The following GOLGA8B variants were observed in gnomAD, a reference collection of about 807,000 sequenced individuals.
GOLGA8B encodes golgin subfamily A member 8B.
Under a neutral mutation model 15.6 loss-of-function variants are expected in GOLGA8B, and 1 was observed. The observed-to-expected ratio is 0.06, with a 90% CI of 0.02 to 0.30. The LOEUF (loss-of-function observed/expected upper bound fraction) is 0.30, where lower values mean the gene tolerates loss of function less well. GOLGA8B is among the 10% of genes least tolerant of loss of function. GOLGA8B has a pLI of 1.00. For synonymous variants in GOLGA8B, 9 were observed against 80.3 expected, an observed-to-expected ratio of 0.11 and a Z score of 4.75; for missense variants, 17 against 201.3, an observed-to-expected ratio of 0.08 and a Z score of 5.54.
chr15:34,557,666 G>GTC (rs1487544644), intron 1 of GOLGA8B, among the ~76,000 whole-genome samples: 1 of 108,226 alleles, frequency 9.2e-6, no homozygotes, highest in Non-Finnish European at 2.0e-5. Context: ...GTGTGTGTGT[G>GTC]TGTGTGTGTG....
At chr15:34,564,372 A>G (rs2140345774) in intron 1 of GOLGA8B, among the ~76,000 whole-genome samples, 1 of 151,558 alleles carries the variant, frequency 6.6e-6, no homozygotes, top group South Asian at 2.1e-4. Context: ...AAAAAAAAAA[A>G]AAAAAAGGAT....
chr15:34,568,177 A>G (rs1198978487), intron 1 of GOLGA8B, among the ~76,000 whole-genome samples: 1 of 148,712 alleles, frequency 6.7e-6, no homozygotes, highest in African/African-American at 2.5e-5. Context: ...AAATACACCC[A>G]GTAGACAGTT....
At chr15:34,577,383 C>T (rs1035755735) in intron 1 of GOLGA8B, among the ~76,000 whole-genome samples, 1 of 151,988 alleles carries the variant, frequency 6.6e-6, no homozygotes, top group Admixed American at 6.6e-5. Flanking sequence ...AAACCATAAA[C>T]GATACTTGTT....
chr15:34,581,697 A>G (rs948755445), intron 1 of GOLGA8B, among the ~76,000 whole-genome samples: 1 of 152,124 alleles, frequency 6.6e-6, no homozygotes, highest in African/African-American at 2.4e-5. Flanking sequence ...TGAGGAGCTG[A>G]CGGTCACCAG....
At chr15:34,578,116 T>A (rs1417442211) in intron 1 of GOLGA8B, among the ~76,000 whole-genome samples, 1 of 152,208 alleles carries the variant, frequency 6.6e-6, no homozygotes, top group Non-Finnish European at 1.5e-5. Context: ...CACTATTTAC[T>A]AGTAAGTTTC....
intron 1 of GOLGA8B, among the ~76,000 whole-genome samples, chr15:34,569,339 G>A (rs1490046228): frequency 6.6e-6 from 1 of 151,434 alleles, no homozygotes; most frequent in Non-Finnish European, 1.5e-5. Context: ...ACGCCTCCCG[G>A]TAGGCTCCCT....
chr15:34,583,273 G>A (rs926165416), intron 1 of GOLGA8B, among the ~76,000 whole-genome samples: 6 of 151,988 alleles, frequency 3.9e-5, no homozygotes, highest in Admixed American at 2.6e-4. Flanking sequence ...GGTCCCCGCC[G>A]CACCCGCCCG....
intron 1 of GOLGA8B, among the ~76,000 whole-genome samples, chr15:34,576,532 T>G (rs944970133): frequency 6.6e-6 from 1 of 152,162 alleles, no homozygotes; most frequent in African/African-American, 2.4e-5. Context: ...CCTCTCCAGG[T>G]ACCTGAACCT....
intron 1 of GOLGA8B, among the ~76,000 whole-genome samples, chr15:34,576,109 G>C (rs1284745852): frequency 6.6e-6 from 1 of 152,162 alleles, no homozygotes; most frequent in Non-Finnish European, 1.5e-5. Flanking sequence ...TCCACTATTA[G>C]ATTAAGCCAC....
rs375163541 is a variant in GOLGA8B, at chr15:34,527,848, G to C, written c.1610-14C>G. 7.4e-4 allele frequency: 1,156 copies of C among 1,570,556 alleles called. 103 individuals are homozygous for C. The highest frequency in any genetic ancestry group is 9.4e-4 in the Non-Finnish European group (1,098 of 1,163,040). Reference sequence around the variant, plus strand: ...CCTCACAAAGATCTTTGGAGAGAGAGAGGCGGGGATCTGAGTGGAGTGCTA... The same window carrying C: ...CCTCACAAAGATCTTTGGAGAGAGACAGGCGGGGATCTGAGTGGAGTGCTA... On this transcript the variant is annotated splice_polypyrimidine_tract_variant and intron_variant, in intron 23 of 23. Coordinates refer to ENST00000683415, the MANE Select transcript of GOLGA8B (RefSeq NM_001023567.5).
intron 1 of GOLGA8B, among the ~76,000 whole-genome samples, chr15:34,572,149 CATGTCCAGAGAGTGTCG>C (rs1455889115): frequency 6.6e-6 from 1 of 152,224 alleles, no homozygotes; most frequent in Non-Finnish European, 1.5e-5. Context: ...AAAGACTGAT[CATGTCCAGAGAGTGTCG>C]ATGTCCAGAG....
At chr15:34,571,231 T>TGA (rs1239418726) in intron 1 of GOLGA8B, among the ~76,000 whole-genome samples, 2 of 152,102 alleles carry the variant, frequency 1.3e-5, no homozygotes, top group Non-Finnish European at 2.9e-5. Flanking sequence ...GAGGATCACT[T>TGA]GAGACCAGGA....
In GOLGA8B at chr15:34,563,652, T is replaced by TGTGTTCA. The variant is rs1235905416; in HGVS notation, c.-1122-9703_-1122-9697dup. On this transcript the variant is annotated intron_variant, in intron 1 of 23. Transcript: ENST00000683415. ...GGAAAAAGAGCAGATGGGAGAAATA[T>TGTGTTCA]GTGTTCAGTGTTCAGTTTTCCTTCT... Among the ~76,000 whole-genome samples the TGTGTTCA allele has an allele frequency of 5.9e-5, 9 of 152,130 alleles. No individual in the cohort carries two copies. In the East Asian group the frequency reaches 1.7e-3, roughly 29 times the overall value.
intron 1 of GOLGA8B, among the ~76,000 whole-genome samples, chr15:34,564,154 G>A (rs944072309): frequency 6.9e-6 from 1 of 145,142 alleles, no homozygotes; most frequent in African/African-American, 2.5e-5. Context: ...TAGAGGGGGT[G>A]TTACTAAACG....
chr15:34,579,069 AACCACAGGCAAGAGG>A (rs1344744273), intron 1 of GOLGA8B, among the ~76,000 whole-genome samples: 1 of 152,018 alleles, frequency 6.6e-6, no homozygotes, highest in East Asian at 1.9e-4. Context: ...GCCTCAAAAC[AACCACAGGCAAGAGG>A]CCTCATGCGC....
chr15:34,564,928 C>T (rs1385461193), intron 1 of GOLGA8B, among the ~76,000 whole-genome samples: 6 of 143,756 alleles, frequency 4.2e-5, no homozygotes, highest in Admixed American at 1.4e-4. Context: ...GGTTAAGAAA[C>T]GTCTTCCTTG....
intron 1 of GOLGA8B, among the ~76,000 whole-genome samples, chr15:34,580,056 G>A (rs1270572102): frequency 2.0e-5 from 3 of 152,214 alleles, no homozygotes; most frequent in Admixed American, 2.0e-4. Context: ...GGGCATCTGG[G>A]GGTGGCTGAT....
rs780443805 is a variant in GOLGA8B at position 34,557,644 on chromosome 15, A to ATGTGTGTGTGTGTGTG, written c.-1122-3704_-1122-3689dup. Among the ~76,000 whole-genome samples, 130 of 76,118 alleles carry ATGTGTGTGTGTGTGTG rather than the reference A, an allele frequency of 1.7e-3. 6 individuals carry two copies. Among genetic ancestry groups the ATGTGTGTGTGTGTGTG allele is most frequent in the African/African-American group, 4.8e-3 (109 of 22,512 alleles). The allele number at this position is 76,118 out of a possible 152,430, so 49.9% of individuals were successfully genotyped here. A position where few individuals can be genotyped will look rare whatever the true frequency, so the allele number is the denominator to read the frequency against. On this transcript the variant is annotated intron_variant, in intron 1 of 23. Coordinates refer to ENST00000683415, the MANE Select transcript of GOLGA8B (RefSeq NM_001023567.5). ...ATTTTTTTCTGAGAAGAATTCATGA[A>ATGTGTGTGTGTGTGTG]TGTGTGTGTGTGTGTGTGTGTGTGT...
chr15:34,581,800 T>C (rs1432429628), intron 1 of GOLGA8B, among the ~76,000 whole-genome samples: 2 of 152,152 alleles, frequency 1.3e-5, no homozygotes, highest in African/African-American at 2.4e-5. Flanking sequence ...AGCCAGACAG[T>C]GGGGACGGGC....
Sources: allele counts gnomAD v4.1 joint callset (sites outside exome capture counted in the v4.1 genomes callset), GRCh38; gene constraint gnomAD v4.1.1; transcripts MANE v1.5; gene names NCBI Gene and HGNC (gene_info 2026-07-23, HGNC 2026-07-21).